CDIP1: variants seen among roughly 807,000 people sequenced by gnomAD.
The protein encoded by CDIP1 is cell death inducing p53 target 1.
CDIP1 carries 9 observed loss-of-function variants against 17.7 expected under a neutral mutation model. The ratio of observed to expected loss-of-function variants is 0.51; its 90% CI spans 0.31 to 0.89. The LOEUF is 0.89. Among genes scored for constraint, CDIP1 ranks in the 40% least tolerant of loss-of-function variants. The probability of loss-of-function intolerance (pLI) is 0.05; values close to 1 mark genes in which losing one functional copy is unlikely to be tolerated. For missense variants in CDIP1, 263 were observed against 277.9 expected, an observed-to-expected ratio of 0.95 and a Z score of 0.38; for synonymous variants, 117 against 109.5, an observed-to-expected ratio of 1.07 and a Z score of -0.43.
chr16:4,525,108 CACAAAAATATATCTCT>C, intron 1 of CDIP1, among the ~76,000 whole-genome samples: 1 of 152,186 alleles, frequency 6.6e-6, no homozygotes, highest in East Asian at 1.9e-4. Context: ...CCCCCTCCAC[CACAAAAATATATCTCT>C]ACAGTTCCTT....
intron 1 of CDIP1, among the ~76,000 whole-genome samples, chr16:4,517,987 G>T (rs2058905653): frequency 6.6e-6 from 1 of 152,162 alleles, no homozygotes; most frequent in South Asian, 2.1e-4. Context: ...CCTCTGGGTG[G>T]CACCACCGTC....
At chr16:4,537,626 A>T (rs538171421) in intron 1 of CDIP1, among the ~76,000 whole-genome samples, 35 of 152,252 alleles carry the variant, frequency 2.3e-4, no homozygotes, top group African/African-American at 8.4e-4. Context: ...TGCGCCCGGG[A>T]ATGATCTGGG....
At chr16:4,530,313 G>C (rs2059042196) in intron 1 of CDIP1, among the ~76,000 whole-genome samples, 1 of 152,110 alleles carries the variant, frequency 6.6e-6, no homozygotes, top group African/African-American at 2.4e-5. Context: ...ACATTGGTTG[G>C]GTGTGAAACA....
At chr16:4,525,773 A>G (rs1020984267) in intron 1 of CDIP1, among the ~76,000 whole-genome samples, 15 of 152,184 alleles carry the variant, frequency 9.9e-5, no homozygotes, top group Non-Finnish European at 4.4e-5. Context: ...GAGGTTGCCA[A>G]TGTGTCCCCT....
At chr16:4,526,667 T>C (rs1426625138) in intron 1 of CDIP1, among the ~76,000 whole-genome samples, 3 of 144,326 alleles carry the variant, frequency 2.1e-5, no homozygotes, top group African/African-American at 7.8e-5. Context: ...GCCACTACAC[T>C]CCAGCCTGGG....
chr16:4,512,805 G>A lies in CDIP1; in HGVS notation c.501C>T (p.Phe167=). ...IGLMNFVLGF[F]CCFMGCDLGC... ...ACACCACCTACCCCATGAAGCAACA[G>A]AAGAAACCCAGCACGAAATTCATCA... Residue 167 remains phenylalanine, a synonymous_variant, in exon 5 of 6, where the codon TTC becomes TTT. Transcript: ENST00000567695. This position sits in a 1 kb window ranked among gnomAD's most constrained non-coding sequence, Gnocchi z 4.6. The A allele has an allele frequency of 3.2e-6, 5 of 1,574,748 alleles. No homozygotes were observed. The highest frequency in any genetic ancestry group is 4.3e-6 in the Non-Finnish European group (5 of 1,159,740).
chr16:4,513,255 C>G lies in CDIP1; in HGVS notation c.242-191G>C, dbSNP rs969587585. ...GCCCTAAGTCAAGTGGGGCCACATTCTCCCAGCCCTTCCTGGTCCCCACCC... is the reference window on the plus strand; with the variant it reads ...GCCCTAAGTCAAGTGGGGCCACATTGTCCCAGCCCTTCCTGGTCCCCACCC... On this transcript the variant is annotated intron_variant, in intron 4 of 5. Coordinates refer to ENST00000567695, the MANE Select transcript of CDIP1 (RefSeq NM_013399.3). This position sits in a 1 kb window ranked among gnomAD's most constrained non-coding sequence, Gnocchi z 4.1. Among the ~76,000 whole-genome samples the G allele has an allele frequency of 2.0e-5, 3 of 152,226 alleles. No homozygotes were observed. Among genetic ancestry groups the G allele is most frequent in the African/African-American group, 7.2e-5 (3 of 41,452 alleles).
At chr16:4,520,491 T>C (rs1009927639) in intron 1 of CDIP1, among the ~76,000 whole-genome samples, 2 of 152,226 alleles carry the variant, frequency 1.3e-5, no homozygotes, top group African/African-American at 2.4e-5. Context: ...TTAGAAGTCA[T>C]TGGTGTACCT....
intron 1 of CDIP1, among the ~76,000 whole-genome samples, chr16:4,528,216 T>C (rs1240441526): frequency 6.6e-6 from 1 of 152,222 alleles, no homozygotes; most frequent in East Asian, 1.9e-4. Flanking sequence ...TTTAGATGTA[T>C]TTACATACGT....
intron 1 of CDIP1, chr16:4,533,113 T>A (rs1303806243): frequency 6.6e-6 from 1 of 152,192 alleles, no homozygotes; most frequent in Non-Finnish European, 1.5e-5. Context: ...AAGTGACACT[T>A]GAGAAGAACT....
chr16:4,513,905 G>T lies in CDIP1; in HGVS notation c.86-54C>A. ...CTGAGCTGGAGCCTCTGCACGATGA[G>T]CTCGACCAGAGGCCACTGTTTTGGG... On this transcript the variant is annotated intron_variant, in intron 3 of 5. Coordinates refer to ENST00000567695, the MANE Select transcript of CDIP1 (RefSeq NM_013399.3). This position sits in a 1 kb window ranked among gnomAD's most constrained non-coding sequence, Gnocchi z 4.1. 1 of 1,492,304 alleles carries T rather than the reference G, an allele frequency of 6.7e-7. No individual in the cohort carries two copies. Among genetic ancestry groups the T allele is most frequent in the Non-Finnish European group, 9.0e-7 (1 of 1,112,088 alleles). The allele number at this position is 1,492,304 out of a possible 1,614,324, so 92.4% of individuals were successfully genotyped here.
chr16:4,536,009 C>T (rs554761556), intron 1 of CDIP1, among the ~76,000 whole-genome samples: 3 of 152,326 alleles, frequency 2.0e-5, no homozygotes, highest in African/African-American at 7.2e-5. Flanking sequence ...TCACCACTGC[C>T]GGCCTGGCTC....
At position 4,514,049 on chromosome 16, in the gene CDIP1, G is replaced by T; in HGVS notation, c.82C>A (p.Pro28Thr). The T allele has an allele frequency of 6.6e-7, 1 of 1,507,504 alleles. No individual in the cohort carries two copies. Among genetic ancestry groups the T allele is most frequent in the East Asian group, 2.6e-5 (1 of 38,410 alleles). 93.4% of individuals were successfully genotyped at this position (1,507,504 alleles called of 1,614,324 possible). ...LEEKSGAPPT[P>T]GRSSPAVMQP... is the part of the protein sequence containing the mutation. ...CTCAGGAACAGTGACCCCCTACCTG[G>T]GGTGGGCGGGGCTCCACTTTTCTCT... Residue 28 changes from proline (P) to threonine (T), a missense_variant, in exon 3 of 6, where the codon CCA becomes ACA. By Grantham distance (38) the Pro-to-Thr change is conservative (BLOSUM62 -1). Transcript: ENST00000567695. The surrounding 1 kb of genome is among the most constrained non-coding windows in gnomAD (Gnocchi z 5.2).
chr16:4,534,690 GTT>G lies in CDIP1; in HGVS notation c.-105+4010_-105+4011del, dbSNP rs762718101. Among the ~76,000 whole-genome samples the G allele has an allele frequency of 8.4e-5, 11 of 130,390 alleles. No homozygotes were observed. The South Asian group carries it at 1.2e-3, about 15-fold the overall frequency. 85.5% of individuals were successfully genotyped at this position (130,390 alleles called of 152,430 possible). A position where few individuals can be genotyped will look rare whatever the true frequency, so the allele number is the denominator to read the frequency against. On this transcript the variant is annotated intron_variant, in intron 1 of 5. Transcript: ENST00000567695. ...AGCCTGTGAGGCCGCTGTTTGCATGGTTTTTTTTTTTTTTTTTTTTTTTGGTT... is the reference window on the plus strand; with the variant it reads ...AGCCTGTGAGGCCGCTGTTTGCATGGTTTTTTTTTTTTTTTTTTTTTGGTT...
chr16:4,531,031 G>T (rs185569796), intron 1 of CDIP1, among the ~76,000 whole-genome samples: 31 of 151,774 alleles, frequency 2.0e-4, no homozygotes, highest in Non-Finnish European at 2.4e-4. Context: ...CCATCTGCTT[G>T]GCCATGTATA....
At chr16:4,527,046 G>A (rs929560797) in intron 1 of CDIP1, among the ~76,000 whole-genome samples, 2 of 151,736 alleles carry the variant, frequency 1.3e-5, no homozygotes, top group Non-Finnish European at 2.9e-5. Context: ...CCTGCCACAG[G>A]AGCCTGAGAG....
Position 4,514,853 on chromosome 16 carries a change from C to G in CDIP1, c.-104-189G>C, listed in dbSNP as rs1480931100. 1 of 152,754 alleles carries G rather than the reference C, an allele frequency of 6.5e-6. No homozygotes were observed. The highest frequency in any genetic ancestry group is 6.5e-5 in the Admixed American group (1 of 15,280). 9.5% of individuals were successfully genotyped at this position (152,754 alleles called of 1,614,324 possible). The stretch of plus-strand genomic sequence containing the variant: ...CCTCGGTCCCGTCGCAGGTCTGCTT[C>G]CTCCCTCCCCCAGGACTGCTGGCAC... On this transcript the variant is annotated intron_variant, in intron 1 of 5. Coordinates refer to ENST00000567695, the MANE Select transcript of CDIP1 (RefSeq NM_013399.3). The surrounding 1 kb of genome is among the most constrained non-coding windows in gnomAD (Gnocchi z 5.2).
intron 1 of CDIP1, among the ~76,000 whole-genome samples, chr16:4,520,205 G>T (rs983918826): frequency 1.3e-5 from 2 of 151,642 alleles, no homozygotes; most frequent in Non-Finnish European, 2.9e-5. Context: ...TCCGCCTCCC[G>T]GGTTCAAGCG....
intron 1 of CDIP1, among the ~76,000 whole-genome samples, chr16:4,528,496 G>A (rs952928751): frequency 3.9e-5 from 6 of 152,044 alleles, no homozygotes; most frequent in Non-Finnish European, 7.4e-5. Context: ...ATGGTAGGCA[G>A]CACCTTTACA....
Sources: allele counts gnomAD v4.1 joint callset (sites outside exome capture counted in the v4.1 genomes callset), GRCh38; gene constraint gnomAD v4.1.1; non-coding constraint Gnocchi (gnomAD v3.1); transcripts MANE v1.5; gene names NCBI Gene and HGNC (gene_info 2026-07-23, HGNC 2026-07-21).